Variants in SCRIB observed in about 807,000 individuals in gnomAD.
SCRIB encodes the protein scribble planar cell polarity protein.
In SCRIB, 72 loss-of-function variants were observed where a neutral mutation model predicts 170.0. The ratio of observed to expected loss-of-function variants is 0.42; its 90% CI spans 0.35 to 0.52. The LOEUF (loss-of-function observed/expected upper bound fraction) is 0.52. Ranked by LOEUF, SCRIB falls within the 20% of genes least tolerant of loss-of-function variation. The pLI, the probability that SCRIB is intolerant of heterozygous loss-of-function variation, is 0.02. For synonymous variants in SCRIB, 1,298 were observed against 1,044.3 expected (o/e 1.24, Z -4.68); for missense variants, 2,475 against 2,338.5 (o/e 1.06, Z -1.20).
rs782783637 is a variant in SCRIB at position 143,804,960 on chromosome 8, G to A, written c.2725C>T (p.Leu909=). Residue 909 remains leucine, a synonymous_variant, in exon 20 of 37, where the codon CTG becomes TTG. Coordinates refer to ENST00000356994, the MANE Select transcript of SCRIB (RefSeq NM_182706.5). ...GAGAGGACGCGGTCGCCAACCTGCA[G>A]TGTGCCCGCGCGGTGAGCAGCACCG... ...EGGAAHRAGT[L]QVGDRVLSIN... 7.0e-6 allele frequency: 11 copies of A among 1,576,308 alleles called. No individual in the cohort carries two copies. Among genetic ancestry groups the A allele is most frequent in the South Asian group, 2.3e-5 (2 of 86,770 alleles).
chr8:143,811,313 C>T lies in SCRIB; in HGVS notation c.939G>A (p.Lys313=), dbSNP rs763435190. ...ALPRSLGKLT[K]LTNLNVDRNH... ...TCCGGTCCACGTTGAGGTTGGTCAG[C>T]TTAGTCAGCTTTCCCAGGGAGCGGG... The change falls in exon 10 of 37, where the codon AAG becomes AAA. Residue 313 remains lysine (K), a synonymous_variant. Coordinates refer to ENST00000356994, the MANE Select transcript of SCRIB (RefSeq NM_182706.5). The T allele has an allele frequency of 1.1e-5, 18 of 1,612,670 alleles. No homozygotes were observed. The highest frequency in any genetic ancestry group is 1.7e-5 in the Admixed American group (1 of 59,962).
intron 24 of SCRIB, among the ~76,000 whole-genome samples, chr8:143,799,031 A>G (rs73373176): frequency 0.026 from 3,906 of 152,346 alleles, 168 homozygotes; most frequent in African/African-American, 0.089. Flanking sequence ...ATAAAGACTC[A>G]TAAGTTCACG....
Position 143,792,152 on chromosome 8 carries a change from A to C in SCRIB, c.4515-19T>G. ...CTTCATCCTGCAGAGAACAGCGGGC[A>C]GGGGTGACTTGGGGCAGGAGCAGGG... On this transcript the variant is annotated intron_variant, in intron 32 of 36. Transcript: ENST00000356994. 6 of 1,560,638 alleles carry C rather than the reference A, an allele frequency of 3.8e-6. No homozygotes were observed. Among genetic ancestry groups the C allele is most frequent in the Non-Finnish European group, 5.2e-6 (6 of 1,158,368 alleles).
In SCRIB at chr8:143,807,021, C is replaced by T. The variant is rs2130096066; in HGVS notation, c.2179-8G>A. 6.2e-7 allele frequency: 1 copy of T among 1,603,338 alleles called. No individual in the cohort carries two copies. The highest frequency in any genetic ancestry group is 8.5e-7 in the Non-Finnish European group (1 of 1,172,864). ...CAGGATAGTGAGGGTCAGCTGGAAA[C>T]AGAACAGACAGGGTGTCTAGAAGGG... On this transcript the variant is annotated splice_polypyrimidine_tract_variant and splice_region_variant and intron_variant, in intron 16 of 36. Transcript: ENST00000356994.
intron 9 of SCRIB, 50 bp downstream of exon 9, chr8:143,812,216 T>C (rs1362536334): frequency 3.3e-6 from 4 of 1,224,342 alleles, no homozygotes; most frequent in Non-Finnish European, 4.9e-6. Flanking sequence ...CTGTCCTTGT[T>C]CTGCACCCCC....
chr8:143,797,430 A>T (rs1158681251), intron 24 of SCRIB, among the ~76,000 whole-genome samples: 1 of 152,208 alleles, frequency 6.6e-6, no homozygotes, highest in African/African-American at 2.4e-5. Flanking sequence ...GAATGTCGCC[A>T]ACCACCTCGG....
At chr8:143,806,820 A>G in intron 17 of SCRIB, 104 bp downstream of exon 17, 1 of 855,662 alleles carries the variant, frequency 1.2e-6, no homozygotes, top group Non-Finnish European at 1.8e-6. Flanking sequence ...CCGTGTCCCC[A>G]GAGCGTGTGA....
In SCRIB at chr8:143,814,092, G is replaced by C. The variant is rs1052488323; in HGVS notation, c.186C>G (p.Arg62=). The change falls in exon 2 of 37, where the codon CGC becomes CGG. Residue 62 remains arginine, a synonymous_variant. Transcript: ENST00000356994. ...TCTCGTTGTCGCTCAGGCCCAGCTT[G>C]CGCAAGTTCAGCAGCCGGAAAAAAG... ...PKPFFRLLNL[R]KLGLSDNEIQ... The C allele has an allele frequency of 6.4e-7, 1 of 1,554,414 alleles. No individual in the cohort carries two copies. The highest frequency in any genetic ancestry group is 8.7e-7 in the Non-Finnish European group (1 of 1,148,646).
At chr8:143,812,750 G>A (rs534728730) in intron 8 of SCRIB, 67 bp downstream of exon 8, 86 of 1,554,118 alleles carry the variant, frequency 5.5e-5, no homozygotes, top group South Asian at 3.0e-4. Flanking sequence ...ACACAGCCCC[G>A]ACGCCCCACG....
chr8:143,812,373 G>T lies in SCRIB; in HGVS notation c.799C>A (p.Gln267Lys). Residue 267 changes from glutamine to lysine, a missense_variant, in exon 9 of 37, where the codon CAG becomes AAG. By Grantham distance (53) the Gln-to-Lys change is moderately conservative (BLOSUM62 1). This residue lies in a region of SCRIB where 487 missense variants were observed against 558.1 expected (regional missense o/e 0.87). Transcript: ENST00000356994. ...TGGTCTACCTTTAGGATGGATAGCT[G>T]CTTCAGCTGACCTGGCGTCGGGGAG... ...RLPDGIGQLK[Q>K]LSILKVDQNR... 1 of 1,612,312 alleles carries T rather than the reference G, an allele frequency of 6.2e-7. No homozygotes were observed. The highest frequency in any genetic ancestry group is 1.1e-5 in the South Asian group (1 of 91,060).
In SCRIB at chr8:143,792,385, G is replaced by T. The variant is rs189617291; in HGVS notation, c.4349C>A (p.Pro1450Gln). 24 of 1,480,296 alleles carry T rather than the reference G, an allele frequency of 1.6e-5. No homozygotes were observed. Among genetic ancestry groups the T allele is most frequent in the East Asian group, 1.4e-4 (6 of 41,800 alleles). The allele number at this position is 1,480,296 out of a possible 1,614,324, so 91.7% of individuals were successfully genotyped here. ...CACCGGGGCGCCACCTCCCAGGGGT[G>T]GGGGGGACGCCGGGCTCTGCCTGGG... Reference protein sequence around the residue: ...PTSRQSPASPPPLGGGAPVRT... With the variant: ...PTSRQSPASPQPLGGGAPVRT... Residue 1450 changes from proline (P) to glutamine (Q), a missense_variant, in exon 32 of 37, where the codon CCA becomes CAA. By Grantham distance (76) the Pro-to-Gln change is moderately conservative (BLOSUM62 -1). Coordinates refer to ENST00000356994, the MANE Select transcript of SCRIB (RefSeq NM_182706.5).
At position 143,815,491 on chromosome 8, in the gene SCRIB, G is replaced by C; in HGVS notation, c.-119C>G. 4.0e-6 allele frequency: 4 copies of C among 1,000,712 alleles called. No individual in the cohort carries two copies. Among genetic ancestry groups the C allele is most frequent in the Non-Finnish European group, 4.8e-6 (4 of 841,070 alleles). The allele number at this position is 1,000,712 out of a possible 1,614,324, so 62.0% of individuals were successfully genotyped here. A position where few individuals can be genotyped will look rare whatever the true frequency, so the allele number is the denominator to read the frequency against. ...AGGGGGCGCAGGCAGGGGGCGGGCCGCCCGAGACTGGACGGGGACGCGGCC... is the reference window on the plus strand; with the variant it reads ...AGGGGGCGCAGGCAGGGGGCGGGCCCCCCGAGACTGGACGGGGACGCGGCC... On this transcript the variant is annotated 5_prime_UTR_variant, in exon 1 of 37. Coordinates refer to ENST00000356994, the MANE Select transcript of SCRIB (RefSeq NM_182706.5).
At chr8:143,809,813 TCCCGCTG>T in intron 13 of SCRIB, 95 bp from the exon 14 acceptor site, 1 of 1,410,584 alleles carries the variant, frequency 7.1e-7, no homozygotes, top group Non-Finnish European at 9.7e-7. Context: ...TCCCTGAGCT[TCCCGCTG>T]CCCCGACCAG....
At position 143,812,880 on chromosome 8, in the gene SCRIB, G is replaced by C. The variant is rs1387058763; in HGVS notation, c.724C>G (p.Leu242Val). The change falls in exon 8 of 37, where the codon CTG becomes GTG. Residue 242 changes from leucine (L) to valine (V), a missense_variant. Physicochemically the swap from Leu to Val is conservative, Grantham distance 32. Transcript: ENST00000356994. Reference sequence around the variant, plus strand: ...AGCAGCAGGTCAGTGAGCAGCACCAGCCCGCCGAGCTCAGCAGGCAGCTCC... The same window carrying C: ...AGCAGCAGGTCAGTGAGCAGCACCACCCCGCCGAGCTCAGCAGGCAGCTCC... ...LEELPAELGG[L>V]VLLTDLLLSQ... The C allele has an allele frequency of 8.1e-6, 13 of 1,608,922 alleles. No individual in the cohort carries two copies. Among genetic ancestry groups the C allele is most frequent in the Non-Finnish European group, 1.0e-5 (12 of 1,179,864 alleles).
Position 143,803,752 on chromosome 8 carries a change from G to A in SCRIB, c.3309C>T (p.Ile1103=), listed in dbSNP as rs781953329. Residue 1103 remains isoleucine (I), a synonymous_variant, in exon 23 of 37, where the codon ATC becomes ATT. Transcript: ENST00000356994. ...CCAGCCTCTCCCCAGGTGCCTTCTG[G>A]ATGCACAGTTCCCGTAGGCCCGGGG... is the stretch of plus-strand genomic sequence containing the variant. ...PAPPGLRELC[I]QKAPGERLGI... The A allele has an allele frequency of 1.2e-6, 2 of 1,600,980 alleles. No individual in the cohort carries two copies. Among genetic ancestry groups the A allele is most frequent in the East Asian group, 2.2e-5 (1 of 44,762 alleles).
chr8:143,812,177 C>T (rs200137501), intron 9 of SCRIB, 89 bp downstream of exon 9: 2 of 878,818 alleles, frequency 2.3e-6, no homozygotes, highest in Admixed American at 1.7e-5. Context: ...GCCACCAGCA[C>T]CCCCCAGCAG....
In SCRIB at chr8:143,795,299, C is replaced by A; in HGVS notation, c.3749G>T (p.Gly1250Val). ...CACTGCGGCTTCTGTGGCCTCGGGC[C>A]CCCAGTGCAGGGTCTGTCCAGGCAG... is the stretch of plus-strand genomic sequence containing the variant. ...KELPGQTLHWGPEATEAAGRG... is the reference protein window; with the variant it reads ...KELPGQTLHWVPEATEAAGRG... The change falls in exon 26 of 37, where the codon GGG becomes GTG. Residue 1250 changes from glycine to valine, a missense_variant. Transcript: ENST00000356994. 1 of 1,612,670 alleles carries A rather than the reference C, an allele frequency of 6.2e-7. No homozygotes were observed. The highest frequency in any genetic ancestry group is 1.1e-5 in the South Asian group (1 of 91,082).
At chr8:143,812,760 G>A (rs1278489410) in intron 8 of SCRIB, 57 bp downstream of exon 8, 67 of 1,573,176 alleles carry the variant, frequency 4.3e-5, no homozygotes, top group Non-Finnish European at 5.5e-5. Context: ...GACGCCCCAC[G>A]CTCCTCCCAG....
At chr8:143,799,632 C>A (rs1285570054) in intron 24 of SCRIB, among the ~76,000 whole-genome samples, 5 of 152,026 alleles carry the variant, frequency 3.3e-5, no homozygotes, top group African/African-American at 1.2e-4. Flanking sequence ...TCCTCTCGAC[C>A]CCGAGAAGCA....
Sources: gnomAD v4.1 joint callset for allele counts (sites outside exome capture counted in the v4.1 genomes callset) on GRCh38, gnomAD v4.1.1 for gene constraint, gnomAD v4.1.1 regional missense constraint, MANE v1.5 for transcripts, NCBI Gene and HGNC (gene_info 2026-07-23, HGNC 2026-07-21) for gene names.